CELF2: variants seen among roughly 807,000 people sequenced by gnomAD.
CELF2 encodes CUGBP Elav-like family member 2.
A neutral mutation model predicts 62.6 loss-of-function variants in CELF2; 8 were observed. The ratio of observed to expected loss-of-function variants is 0.13; its 90% CI spans 0.07 to 0.23. CELF2 has a LOEUF of 0.23. CELF2 is among the 10% of genes least tolerant of loss of function. CELF2 has a pLI of 1.00. For synonymous variants in CELF2, 258 were observed against 250.0 expected (o/e 1.03, Z -0.30); for missense variants, 333 against 671.0 (o/e 0.50, Z 5.56).
intron 2 of CELF2, among the ~76,000 whole-genome samples, chr10:10,974,617 A>G (rs2051127225): frequency 6.6e-6 from 1 of 152,228 alleles, no homozygotes; most frequent in African/African-American, 2.4e-5. Flanking sequence ...AGCAAACCTG[A>G]AGCTTACTTC....
In CELF2 at chr10:10,827,053, A is replaced by G. The variant is rs566720743; in HGVS notation, c.53+28236A>G. ...AGGATAGAATTAATCAAGTAGGACT[A>G]AGTAATTCTGCGCCCTCCTGGAAAT... On this transcript the variant is annotated intron_variant, in intron 1 of 13. Coordinates refer to the CELF2 transcript ENST00000636488. Among the ~76,000 whole-genome samples, 8 of 152,254 alleles carry G rather than the reference A, an allele frequency of 5.3e-5. No homozygotes were observed. In the South Asian group the frequency reaches 1.7e-3, roughly 32 times the overall value.
Position 11,207,521 on chromosome 10 carries a change from G to A in CELF2, c.272-9904G>A, listed in dbSNP as rs915508341. 1.2e-4 allele frequency among the ~76,000 whole-genome samples: 19 copies of A among 152,240 alleles called. No individual in the cohort carries two copies. Among genetic ancestry groups the A allele is most frequent in the Admixed American group, 3.3e-4 (5 of 15,288 alleles). ...AAGGTGGCTCAGATTTGCTGTCTGC[G>A]AGGAATCTTGCAGGGAAAGTGAGGA... On this transcript the variant is annotated intron_variant, in intron 2 of 12. Coordinates refer to ENST00000633077, the MANE Select transcript of CELF2 (RefSeq NM_001326342.2). The surrounding 1 kb of genome is among the most constrained non-coding windows in gnomAD (Gnocchi z 4.1).
upstream of CELF2, chr10:11,005,282 GAGAGAGAGAGA>G: frequency 6.3e-7 from 1 of 1,596,188 alleles, no homozygotes; most frequent in African/African-American, 1.3e-5. This position sits in a 1 kb window ranked among gnomAD's most constrained non-coding sequence, Gnocchi z 4.3. Context: ...GAGAGAGAGA[GAGAGAGAGAGA>G]GGGAGGAGAG....
chr10:10,659,092 CTTG>C, the CELF2 span, among the ~76,000 whole-genome samples: 1 of 152,102 alleles, frequency 6.6e-6, no homozygotes, highest in Non-Finnish European at 1.5e-5. Flanking sequence ...TACCTAGACC[CTTG>C]TTGTAGAAAT....
the CELF2 span, among the ~76,000 whole-genome samples, chr10:10,506,043 A>C: frequency 6.6e-6 from 1 of 151,148 alleles, no homozygotes; most frequent in Admixed American, 6.6e-5. Context: ...AAGTGTGTCT[A>C]CTCCATTTGC....
chr10:10,734,074 C>G, the CELF2 span, among the ~76,000 whole-genome samples: 1 of 151,874 alleles, frequency 6.6e-6, no homozygotes. Flanking sequence ...TCAATAAGAC[C>G]CTTACTTCTA....
intron 1 of CELF2, among the ~76,000 whole-genome samples, chr10:10,896,045 A>C (rs2062530069): frequency 6.6e-6 from 1 of 152,186 alleles, no homozygotes. Context: ...GTAGTGTGAA[A>C]ACTTCAGAGA....
intron 5 of CELF2, among the ~76,000 whole-genome samples, chr10:11,261,982 G>A (rs894711123): frequency 1.3e-5 from 2 of 152,172 alleles, no homozygotes; most frequent in South Asian, 4.1e-4. Context: ...TAGGTACAGG[G>A]TTTTCTGCAC....
chr10:10,736,396 C>CTTTTTTTTTTTTTT, the CELF2 span, among the ~76,000 whole-genome samples: 7 of 75,992 alleles, frequency 9.2e-5, no homozygotes, highest in African/African-American at 3.5e-4. Flanking sequence ...TTCTTTCTTT[C>CTTTTTTTTTTTTTT]TTTTTTTTTT....
At chr10:10,949,357 G>A (rs1253593076) in intron 2 of CELF2, among the ~76,000 whole-genome samples, 1 of 152,090 alleles carries the variant, frequency 6.6e-6, no homozygotes, top group Non-Finnish European at 1.5e-5. Flanking sequence ...TGCCTCTAGT[G>A]ATCTCCCCAG....
intron 2 of CELF2, among the ~76,000 whole-genome samples, chr10:10,978,225 T>C (rs1387013686): frequency 6.6e-6 from 1 of 152,160 alleles, no homozygotes; most frequent in Non-Finnish European, 1.5e-5. Flanking sequence ...TATGCCATTG[T>C]TCAGTTACGC....
chr10:11,046,513 T>A lies in CELF2; in HGVS notation c.74+28350T>A, dbSNP rs758944983. Reference sequence around the variant, plus strand: ...ATTAGGCGCACTGCCTGATTCTCATTAAGACTGTCCTGATTTCTTTTATGT... The same window carrying A: ...ATTAGGCGCACTGCCTGATTCTCATAAAGACTGTCCTGATTTCTTTTATGT... On this transcript the variant is annotated intron_variant, in intron 1 of 12. Coordinates refer to ENST00000633077, the MANE Select transcript of CELF2 (RefSeq NM_001326342.2). This position sits in a 1 kb window ranked among gnomAD's most constrained non-coding sequence, Gnocchi z 4.6. Among the ~76,000 whole-genome samples, 2 of 152,230 alleles carry A rather than the reference T, an allele frequency of 1.3e-5. No individual in the cohort carries two copies. The highest frequency in any genetic ancestry group is 2.9e-5 in the Non-Finnish European group (2 of 68,040).
chr10:10,986,741 C>T (rs201102), intron 2 of CELF2, among the ~76,000 whole-genome samples: 20,279 of 152,198 alleles, frequency 0.13, 4,539 homozygotes, highest in African/African-American at 0.46. Flanking sequence ...CCACCAATCC[C>T]TCTACAGGGC....
the CELF2 span, among the ~76,000 whole-genome samples, chr10:10,579,571 A>G: frequency 8.5e-5 from 13 of 152,188 alleles, no homozygotes; most frequent in Non-Finnish European, 1.8e-4. Flanking sequence ...ATGTATAAAT[A>G]CATATTTGTG....
chr10:11,048,157 A>G (rs1008699611), intron 1 of CELF2, among the ~76,000 whole-genome samples: 1 of 152,206 alleles, frequency 6.6e-6, no homozygotes, highest in Non-Finnish European at 1.5e-5. Flanking sequence ...TTTCTCAGTC[A>G]CTAGAAAATG....
At chr10:11,014,084 G>C (rs568311153), upstream of CELF2, among the ~76,000 whole-genome samples, 9 of 152,320 alleles carry the variant, frequency 5.9e-5, no homozygotes, top group South Asian at 1.9e-3. Context: ...CTGTGAGCAC[G>C]CTGGACGTGT....
At chr10:10,657,702 G>A in the CELF2 span, among the ~76,000 whole-genome samples, 1 of 152,100 alleles carries the variant, frequency 6.6e-6, no homozygotes, top group Non-Finnish European at 1.5e-5. Context: ...TTAAGGAGGG[G>A]CCCAAGGATT....
rs982919931 is a variant in CELF2, at chr10:11,247,163, A to G, written c.355-1990A>G. ...ACACGGCAGCCAAAATGGCTTTTCT[A>G]GAATTTCGATCTTGTTTCCTTTGTT... On this transcript the variant is annotated intron_variant, in intron 3 of 12. Coordinates refer to ENST00000633077, the MANE Select transcript of CELF2 (RefSeq NM_001326342.2). This position sits in a 1 kb window ranked among gnomAD's most constrained non-coding sequence, Gnocchi z 5.4. Among the ~76,000 whole-genome samples, 3 of 152,212 alleles carry G rather than the reference A, an allele frequency of 2.0e-5. No homozygotes were observed. In the South Asian group the frequency reaches 6.2e-4, roughly 31 times the overall value.
chr10:10,567,538 C>CA, the CELF2 span, among the ~76,000 whole-genome samples: 1 of 152,156 alleles, frequency 6.6e-6, no homozygotes, highest in African/African-American at 2.4e-5. Flanking sequence ...ACAGAGGCTT[C>CA]AGCAGGCTAC....
Sources: allele counts gnomAD v4.1 joint callset (sites outside exome capture counted in the v4.1 genomes callset), GRCh38; gene constraint gnomAD v4.1.1; non-coding constraint Gnocchi (gnomAD v3.1); transcripts MANE v1.5; gene names NCBI Gene and HGNC (gene_info 2026-07-23, HGNC 2026-07-21).